IDO2: variants seen among roughly 807,000 people sequenced by gnomAD.
The protein encoded by IDO2 is indoleamine 2,3-dioxygenase 2.
Under a neutral mutation model 45.1 loss-of-function variants are expected in IDO2, and 46 were observed. That is an observed-to-expected ratio of 1.02 (90% CI 0.80 to 1.30). IDO2 has a LOEUF of 1.30. Ranked by LOEUF, IDO2 falls within the 50% of genes most tolerant of loss-of-function variation. The pLI is 0.00. For missense variants in IDO2, 544 were observed against 491.8 expected, an observed-to-expected ratio of 1.11 and a Z score of -1.00; for synonymous variants, 218 against 184.9, an observed-to-expected ratio of 1.18 and a Z score of -1.45.
At chr8:40,005,995 T>C (rs1163156842) in intron 9 of IDO2, among the ~76,000 whole-genome samples, 1 of 152,190 alleles carries the variant, frequency 6.6e-6, no homozygotes, top group African/African-American at 2.4e-5. Flanking sequence ...TTCCATTCCT[T>C]GTCCCTTCCA....
chr8:39,999,176 C>T lies in IDO2; in HGVS notation c.668-6151C>T, dbSNP rs556585991. ...TGGTTGCTATTGAGATGTTAGCTGT[C>T]GGTTTATCTTTCTCCCCTGACTATG... On this transcript the variant is annotated intron_variant, in intron 8 of 10. Transcript: ENST00000502986. Among the ~76,000 whole-genome samples the T allele has an allele frequency of 2.0e-5, 3 of 151,478 alleles. No homozygotes were observed. In the East Asian group the frequency reaches 5.8e-4, roughly 29 times the overall value.
chr8:39,945,828 C>A (rs913682753), intron 1 of IDO2, among the ~76,000 whole-genome samples: 1 of 152,116 alleles, frequency 6.6e-6, no homozygotes, highest in African/African-American at 2.4e-5. Context: ...ACTGAGACAG[C>A]GAAAGAGATC....
intron 4 of IDO2, among the ~76,000 whole-genome samples, chr8:39,980,512 T>A (rs1411953158): frequency 1.3e-5 from 2 of 152,224 alleles, no homozygotes; most frequent in Non-Finnish European, 2.9e-5. Context: ...GTCTTTTACT[T>A]TTATTTTTGG....
At chr8:39,935,622 G>A (rs1192323066) in intron 1 of IDO2, among the ~76,000 whole-genome samples, 1 of 152,042 alleles carries the variant, frequency 6.6e-6, no homozygotes, top group Non-Finnish European at 1.5e-5. Flanking sequence ...GCTAATTTTT[G>A]TACTTTTAGT....
chr8:39,973,234 T>C (rs1808207899), intron 3 of IDO2, among the ~76,000 whole-genome samples: 1 of 152,208 alleles, frequency 6.6e-6, no homozygotes, highest in Non-Finnish European at 1.5e-5. Flanking sequence ...TTTTGTTTAA[T>C]ATTTATAAAT....
intron 3 of IDO2, among the ~76,000 whole-genome samples, chr8:39,978,230 GGAC>G (rs1191859711): frequency 2.6e-5 from 4 of 152,198 alleles, no homozygotes; most frequent in African/African-American, 9.6e-5. Flanking sequence ...GAGATTAAAA[GGAC>G]AACAAAAACA....
At chr8:40,007,502 A>C (rs1212788354) in intron 9 of IDO2, among the ~76,000 whole-genome samples, 1 of 152,000 alleles carries the variant, frequency 6.6e-6, no homozygotes, top group African/African-American at 2.4e-5. Flanking sequence ...TGGAGCTGGG[A>C]GTGTGTTTTA....
intron 3 of IDO2, among the ~76,000 whole-genome samples, chr8:39,978,485 A>G (rs1313474240): frequency 6.6e-6 from 1 of 151,982 alleles, no homozygotes; most frequent in Admixed American, 6.5e-5. Flanking sequence ...TACCGCCTTT[A>G]CGCGTCACAG....
chr8:40,015,368 G>A (rs1414781273), exon 11 of IDO2: 2 of 1,613,910 alleles, frequency 1.2e-6, no homozygotes, highest in East Asian at 4.5e-5. Context: ...ACCACTTGCT[G>A]ACAGCTTATA....
At chr8:39,988,718 A>G (rs936747086) in intron 7 of IDO2, among the ~76,000 whole-genome samples, 70 of 152,084 alleles carry the variant, frequency 4.6e-4, no homozygotes, top group African/African-American at 1.6e-3. Flanking sequence ...TGCCCAGCCA[A>G]CACTACCTCC....
chr8:39,955,318 G>A (rs552261444), intron 2 of IDO2, among the ~76,000 whole-genome samples: 16 of 135,940 alleles, frequency 1.2e-4, no homozygotes, highest in African/African-American at 3.9e-4. Flanking sequence ...GCAGTGGCAC[G>A]TTCTTGGCTC....
intron 8 of IDO2, among the ~76,000 whole-genome samples, chr8:39,998,676 T>C (rs1397025009): frequency 6.7e-6 from 1 of 148,928 alleles, no homozygotes; most frequent in East Asian, 2.0e-4. Flanking sequence ...AGTCTCATTC[T>C]GTCACCCAGG....
intron 3 of IDO2, among the ~76,000 whole-genome samples, chr8:39,965,674 G>T (rs1290119435): frequency 2.6e-5 from 4 of 152,132 alleles, no homozygotes; most frequent in Admixed American, 6.6e-5. Flanking sequence ...TGTATATGAT[G>T]AGTGTCCTTA....
intron 5 of IDO2, among the ~76,000 whole-genome samples, chr8:39,983,951 T>G (rs1376319422): frequency 6.6e-6 from 1 of 152,008 alleles, no homozygotes; most frequent in Non-Finnish European, 1.5e-5. Context: ...TTTTATGTTT[T>G]CTGCAATTAT....
intron 9 of IDO2, among the ~76,000 whole-genome samples, chr8:40,013,294 CT>C (rs1262971949): frequency 6.6e-6 from 1 of 152,090 alleles, no homozygotes; most frequent in East Asian, 1.9e-4. Flanking sequence ...GTCTTGGGAC[CT>C]GTGCCACAAA....
chr8:39,987,942 T>C, exon 7 of IDO2: 1 of 1,610,032 alleles, frequency 6.2e-7, no homozygotes, highest in Non-Finnish European at 8.5e-7. Flanking sequence ...ACTGCTTTGG[T>C]AGAGAAAGAA....
At chr8:39,938,824 A>G (rs1220701679) in intron 1 of IDO2, among the ~76,000 whole-genome samples, 1 of 152,270 alleles carries the variant, frequency 6.6e-6, no homozygotes. Flanking sequence ...TGGCAAGCAT[A>G]TGAAAATATG....
chr8:39,967,785 C>T (rs1187491804), intron 3 of IDO2, among the ~76,000 whole-genome samples: 3 of 152,174 alleles, frequency 2.0e-5, no homozygotes, highest in Non-Finnish European at 4.4e-5. Context: ...ACCGTGCTGG[C>T]CTAAAAGACA....
chr8:40,015,620 A>C (rs768100520), exon 11 of IDO2: 2 of 1,559,374 alleles, frequency 1.3e-6, no homozygotes, highest in Admixed American at 1.7e-5. Context: ...CCCTCTCCCC[A>C]GCAATGCAGA....
Sources: gnomAD v4.1 joint callset for allele counts (sites outside exome capture counted in the v4.1 genomes callset) on GRCh38, gnomAD v4.1.1 for gene constraint, MANE v1.5 for transcripts, NCBI Gene and HGNC (gene_info 2026-07-23, HGNC 2026-07-21) for gene names.